Variants in VWC2L observed in about 807,000 individuals in gnomAD.
VWC2L encodes von Willebrand factor C domain-containing protein 2-like.
Under a neutral mutation model 21.6 loss-of-function variants are expected in VWC2L, and 10 were observed. The observed-to-expected ratio is 0.46, with a 90% CI of 0.29 to 0.78. The LOEUF (loss-of-function observed/expected upper bound fraction) is 0.78, where lower values mean the gene tolerates loss of function less well. Ranked by LOEUF, VWC2L falls within the 30% of genes least tolerant of loss-of-function variation. VWC2L has a pLI of 0.10. For missense variants in VWC2L, 209 were observed against 277.1 expected, an observed-to-expected ratio of 0.75 and a Z score of 1.74; for synonymous variants, 96 against 94.3, an observed-to-expected ratio of 1.02 and a Z score of -0.10.
At chr2:214,485,315 GA>G (rs1036842918) in intron 3 of VWC2L, among the ~76,000 whole-genome samples, 1 of 150,236 alleles carries the variant, frequency 6.7e-6, no homozygotes, top group Admixed American at 6.6e-5. Context: ...TTTAAAAAAA[GA>G]AAAAAAAAGT....
At chr2:214,437,326 G>C (rs1051476510) in intron 3 of VWC2L, among the ~76,000 whole-genome samples, 1 of 152,096 alleles carries the variant, frequency 6.6e-6, no homozygotes, top group African/African-American at 2.4e-5. Context: ...CTGCTATAGA[G>C]AGCAACTTGT....
intron 3 of VWC2L, among the ~76,000 whole-genome samples, chr2:214,570,357 A>G (rs1690132215): frequency 6.6e-6 from 1 of 152,214 alleles, no homozygotes; most frequent in Admixed American, 6.5e-5. Context: ...AAAGAAAAAC[A>G]GAATGTGGAA....
chr2:214,452,953 C>T (rs1259523515), intron 3 of VWC2L, among the ~76,000 whole-genome samples: 2 of 152,048 alleles, frequency 1.3e-5, no homozygotes, highest in African/African-American at 4.8e-5. Context: ...TTGAAGAATT[C>T]TTTATATATT....
chr2:214,518,446 T>C (rs148469485), intron 3 of VWC2L, among the ~76,000 whole-genome samples: 1 of 152,328 alleles, frequency 6.6e-6, no homozygotes, highest in African/African-American at 2.4e-5. Flanking sequence ...TGGCAAAAGT[T>C]GAGGGAACTT....
chr2:214,481,748 T>C (rs1484120567), intron 3 of VWC2L, among the ~76,000 whole-genome samples: 3 of 152,238 alleles, frequency 2.0e-5, no homozygotes, highest in South Asian at 2.1e-4. Context: ...TACTGAAATA[T>C]TGACTTACAT....
chr2:214,435,431 C>T (rs1702665975), intron 2 of VWC2L, among the ~76,000 whole-genome samples: 1 of 152,112 alleles, frequency 6.6e-6, no homozygotes, highest in African/African-American at 2.4e-5. Context: ...TAAAGTTAGG[C>T]TGTCATTCTC....
chr2:214,506,882 CTG>C (rs1419178975), intron 3 of VWC2L, among the ~76,000 whole-genome samples: 1 of 151,694 alleles, frequency 6.6e-6, no homozygotes, highest in African/African-American at 2.4e-5. Flanking sequence ...TTTTAAAAGT[CTG>C]TGTCTAAATA....
intron 2 of VWC2L, among the ~76,000 whole-genome samples, chr2:214,420,099 C>T (rs564280377): frequency 1.3e-5 from 2 of 152,138 alleles, no homozygotes; most frequent in African/African-American, 4.8e-5. Flanking sequence ...GATTATTTTG[C>T]CAAGTCATCA....
intron 2 of VWC2L, among the ~76,000 whole-genome samples, chr2:214,421,704 G>C (rs1702443135): frequency 6.6e-6 from 1 of 151,864 alleles, no homozygotes; most frequent in South Asian, 2.1e-4. Context: ...CACATTGAGA[G>C]AAGATGAAGC....
rs1690269604 is a variant in VWC2L, at chr2:214,578,665, T to G, written c.*2845T>G. ...AGCTCTGGTCTCATCTGTTGTTTGT[T>G]TCTTGTGAAGTCTTTGTTTGCAGCC... is the stretch of plus-strand genomic sequence containing the variant. On this transcript the variant is annotated 3_prime_UTR_variant, in exon 4 of 4. Coordinates refer to ENST00000312504, the MANE Select transcript of VWC2L (RefSeq NM_001080500.4). The G allele has an allele frequency of 6.6e-6, 1 of 152,176 alleles. No individual in the cohort carries two copies. Among genetic ancestry groups the G allele is most frequent in the African/African-American group, 2.4e-5 (1 of 41,454 alleles). The allele number at this position is 152,176 out of a possible 1,614,324, so 9.4% of individuals were successfully genotyped here.
At chr2:214,505,923 G>A (rs188307645) in intron 3 of VWC2L, among the ~76,000 whole-genome samples, 1 of 152,236 alleles carries the variant, frequency 6.6e-6, no homozygotes, top group East Asian at 1.9e-4. Flanking sequence ...TCTTAGTAAT[G>A]GTGGGGAAGG....
chr2:214,502,348 G>A (rs1688905266), intron 3 of VWC2L, among the ~76,000 whole-genome samples: 1 of 152,110 alleles, frequency 6.6e-6, no homozygotes, highest in African/African-American at 2.4e-5. Flanking sequence ...GAGGCAGGCG[G>A]ATCATGAGTT....
chr2:214,425,302 G>A (rs574990719), intron 2 of VWC2L, among the ~76,000 whole-genome samples: 9 of 152,232 alleles, frequency 5.9e-5, no homozygotes, highest in Admixed American at 3.3e-4. Flanking sequence ...TTTAATCAGT[G>A]CGTGGTCTCA....
intron 3 of VWC2L, among the ~76,000 whole-genome samples, chr2:214,476,367 C>T (rs930145833): frequency 6.6e-6 from 1 of 152,114 alleles, no homozygotes; most frequent in African/African-American, 2.4e-5. Flanking sequence ...TATTGACATA[C>T]TGGTCAAAAT....
At chr2:214,444,323 A>G (rs1702806215) in intron 3 of VWC2L, among the ~76,000 whole-genome samples, 1 of 152,060 alleles carries the variant, frequency 6.6e-6, no homozygotes, top group South Asian at 2.1e-4. Context: ...CAATGACTCT[A>G]TCTTTAAAAT....
At chr2:214,446,200 C>T (rs1702835122) in intron 3 of VWC2L, among the ~76,000 whole-genome samples, 1 of 152,158 alleles carries the variant, frequency 6.6e-6, no homozygotes, top group Non-Finnish European at 1.5e-5. Context: ...CTGGCAGCTG[C>T]ACACATATGT....
At chr2:214,521,242 A>G (rs1253420053) in intron 3 of VWC2L, among the ~76,000 whole-genome samples, 2 of 73,032 alleles carry the variant, frequency 2.7e-5, no homozygotes, top group Admixed American at 1.6e-4. Flanking sequence ...AAGATAAATA[A>G]ATAAATAAAT....
chr2:214,546,733 T>G (rs1430070067), intron 3 of VWC2L, among the ~76,000 whole-genome samples: 1 of 152,132 alleles, frequency 6.6e-6, no homozygotes, highest in Non-Finnish European at 1.5e-5. Flanking sequence ...AAAATTGTTT[T>G]TAGCAAACAC....
intron 3 of VWC2L, among the ~76,000 whole-genome samples, chr2:214,448,538 T>C (rs1702906536): frequency 6.6e-6 from 1 of 152,208 alleles, no homozygotes; most frequent in Non-Finnish European, 1.5e-5. Context: ...CCAGATGATC[T>C]AGAAAAGACA....
Sources: allele counts gnomAD v4.1 joint callset (sites outside exome capture counted in the v4.1 genomes callset), GRCh38; gene constraint gnomAD v4.1.1; transcripts MANE v1.5; gene names NCBI Gene and HGNC (gene_info 2026-07-23, HGNC 2026-07-21).